The following RCOR3 variants were observed in gnomAD, a reference collection of about 807,000 sequenced individuals.
The protein encoded by RCOR3 is REST corepressor 3.
A neutral mutation model predicts 64.1 loss-of-function variants in RCOR3; 13 were observed. That is an observed-to-expected ratio of 0.20 (90% confidence interval 0.13 to 0.32). The LOEUF (loss-of-function observed/expected upper bound fraction) is 0.32. RCOR3 is among the 10% of genes least tolerant of loss of function. RCOR3 has a pLI of 1.00. For synonymous variants in RCOR3, 215 were observed against 239.0 expected, an observed-to-expected ratio of 0.90 and a Z score of 0.93; for missense variants, 489 against 701.2, an observed-to-expected ratio of 0.70 and a Z score of 3.42.
At chr1:211,265,213 A>G (rs1281351906) in intron 2 of RCOR3, among the ~76,000 whole-genome samples, 1 of 152,202 alleles carries the variant, frequency 6.6e-6, no homozygotes, top group Non-Finnish European at 1.5e-5. Flanking sequence ...TGTATTGAAA[A>G]TATTAAGTTT....
At position 211,280,621 on chromosome 1, in the gene RCOR3, A is replaced by T. The variant is rs369505865; in HGVS notation, c.720+1305A>T. Among the ~76,000 whole-genome samples the T allele has an allele frequency of 7.2e-5, 11 of 152,200 alleles. No homozygotes were observed. The South Asian group carries it at 1.9e-3, about 26-fold the overall frequency. On this transcript the variant is annotated intron_variant, in intron 7 of 11. Transcript: ENST00000419091. ...CGTATCTACTCTTTCTCCACCAGTT[A>T]TCCTTTGTCTTTCGCATATTTTCAA...
At chr1:211,266,529 G>A (rs1393506718) in intron 2 of RCOR3, among the ~76,000 whole-genome samples, 1 of 152,076 alleles carries the variant, frequency 6.6e-6, no homozygotes, top group Non-Finnish European at 1.5e-5. Context: ...AACTGATAAC[G>A]CTACTATAGT....
In RCOR3 at chr1:211,313,011, T is replaced by G; in HGVS notation, c.1317+50T>G. 1 of 1,611,918 alleles carries G rather than the reference T, an allele frequency of 6.2e-7. No individual in the cohort carries two copies. The highest frequency in any genetic ancestry group is 8.5e-7 in the Non-Finnish European group (1 of 1,178,564). ...CTAATATGAGTTGAGGAATCACCAT[T>G]TTGTGTGGTATTCTGTAAGGTTAAT... On this transcript the variant is annotated intron_variant, in intron 11 of 11. Transcript: ENST00000419091. This position sits in a 1 kb window ranked among gnomAD's most constrained non-coding sequence, Gnocchi z 4.7.
At chr1:211,281,292 T>C (rs1558068816) in intron 7 of RCOR3, among the ~76,000 whole-genome samples, 1 of 152,200 alleles carries the variant, frequency 6.6e-6, no homozygotes, top group Non-Finnish European at 1.5e-5. Context: ...GGCATCTTTT[T>C]CTTACTCTAT....
intron 9 of RCOR3, among the ~76,000 whole-genome samples, chr1:211,298,306 A>G (rs1202756396): frequency 6.6e-6 from 1 of 152,140 alleles, no homozygotes; most frequent in African/African-American, 2.4e-5. Context: ...TAGAGGGGGA[A>G]TACTGCAGCT....
intron 2 of RCOR3, among the ~76,000 whole-genome samples, chr1:211,260,730 C>A (rs1694107450): frequency 7.1e-6 from 1 of 141,746 alleles, no homozygotes; most frequent in South Asian, 2.6e-4. Context: ...GTGCAGGAGC[C>A]GCGGAGAGAA....
At chr1:211,265,950 G>A (rs1019702645) in intron 2 of RCOR3, among the ~76,000 whole-genome samples, 1 of 151,996 alleles carries the variant, frequency 6.6e-6, no homozygotes, top group African/African-American at 2.4e-5. Context: ...CATGAGAGAT[G>A]GTGCCCTTTT....
At chr1:211,283,812 ATTT>A (rs71134672) in intron 7 of RCOR3, among the ~76,000 whole-genome samples, 1 of 134,154 alleles carries the variant, frequency 7.5e-6, no homozygotes, top group African/African-American at 2.7e-5. Flanking sequence ...CCTGGCTTGT[ATTT>A]TTTTTTTTTT....
intron 2 of RCOR3, among the ~76,000 whole-genome samples, chr1:211,269,202 A>G (rs958459473): frequency 2.0e-5 from 3 of 152,178 alleles, no homozygotes; most frequent in African/African-American, 4.8e-5. Flanking sequence ...AGTGGCTAAC[A>G]CCTGTCATCC....
intron 2 of RCOR3, among the ~76,000 whole-genome samples, chr1:211,269,185 C>T (rs1049140980): frequency 1.3e-5 from 2 of 152,106 alleles, no homozygotes; most frequent in African/African-American, 2.4e-5. Context: ...ATTTATGAGC[C>T]GGGTGCAGTG....
intron 10 of RCOR3, among the ~76,000 whole-genome samples, chr1:211,308,715 A>T: frequency 5.1e-5 from 1 of 19,588 alleles, no homozygotes; most frequent in African/African-American, 1.6e-4. Flanking sequence ...GTCCAAAATC[A>T]ATTTTTTTTT....
At chr1:211,281,610 C>G (rs1487825550) in intron 7 of RCOR3, among the ~76,000 whole-genome samples, 3 of 152,162 alleles carry the variant, frequency 2.0e-5, no homozygotes, top group African/African-American at 2.4e-5. Context: ...TTACCCTTCC[C>G]CATTTATTTC....
intron 9 of RCOR3, among the ~76,000 whole-genome samples, chr1:211,297,917 A>G (rs1304232337): frequency 6.6e-6 from 1 of 152,246 alleles, no homozygotes; most frequent in Non-Finnish European, 1.5e-5. Flanking sequence ...AATAATTACA[A>G]TAAGCCATCA....
chr1:211,293,302 C>G (rs1177955224), intron 8 of RCOR3, among the ~76,000 whole-genome samples: 1 of 152,068 alleles, frequency 6.6e-6, no homozygotes, highest in East Asian at 1.9e-4. Flanking sequence ...AAGTGTCTTT[C>G]TAAAAGGCAT....
intron 7 of RCOR3, among the ~76,000 whole-genome samples, chr1:211,280,551 T>A (rs1697630451): frequency 1.3e-5 from 2 of 152,238 alleles, no homozygotes; most frequent in African/African-American, 4.8e-5. Flanking sequence ...ATCTTCTTTC[T>A]TTTCCTATAC....
At chr1:211,300,804 C>T (rs1027849683) in intron 9 of RCOR3, among the ~76,000 whole-genome samples, 1 of 152,182 alleles carries the variant, frequency 6.6e-6, no homozygotes, top group Non-Finnish European at 1.5e-5. Flanking sequence ...CCACAATGAG[C>T]AGTAGTGAGC....
At chr1:211,270,807 A>G (rs917794651) in intron 2 of RCOR3, among the ~76,000 whole-genome samples, 3 of 31,252 alleles carry the variant, frequency 9.6e-5, no homozygotes, top group Admixed American at 9.8e-4. Context: ...TATTTTCTTT[A>G]CTTGTCCTCC....
intron 9 of RCOR3, chr1:211,303,038 T>G (rs1380018817): frequency 6.6e-6 from 1 of 152,204 alleles, no homozygotes; most frequent in African/African-American, 2.4e-5. Flanking sequence ...TTTTTACTGT[T>G]TTTCCTTTGC....
chr1:211,295,527 C>T, intron 8 of RCOR3, 149 bp from the exon 9 acceptor site: 1 of 618,428 alleles, frequency 1.6e-6, no homozygotes, highest in South Asian at 2.0e-5. Flanking sequence ...GAATTAGTGG[C>T]ATGTCATACC....
Sources: gnomAD v4.1 joint callset for allele counts (sites outside exome capture counted in the v4.1 genomes callset) on GRCh38, gnomAD v4.1.1 for gene constraint, Gnocchi (gnomAD v3.1) non-coding constraint, MANE v1.5 for transcripts, NCBI Gene and HGNC (gene_info 2026-07-23, HGNC 2026-07-21) for gene names.